The following KIAA1958 variants were observed in gnomAD, a reference collection of about 807,000 sequenced individuals.
KIAA1958 encodes the protein KIAA1958, also known as uncharacterized protein KIAA1958.
In KIAA1958, 14 loss-of-function variants were observed where a neutral mutation model predicts 47.2. That is an observed-to-expected ratio of 0.30 (90% CI 0.20 to 0.46). KIAA1958 has a LOEUF of 0.46. Ranked by LOEUF, KIAA1958 falls within the 20% of genes least tolerant of loss-of-function variation. The pLI, the probability that KIAA1958 is intolerant of heterozygous loss-of-function variation, is 1.00. For missense variants in KIAA1958, 803 were observed against 909.2 expected (o/e 0.88, Z 1.50); for synonymous variants, 354 against 353.3 (o/e 1.00, Z -0.02).
intron 2 of KIAA1958, among the ~76,000 whole-genome samples, chr9:112,616,639 G>T (rs770979636): frequency 1.2e-4 from 19 of 152,120 alleles, no homozygotes; most frequent in Non-Finnish European, 7.4e-5. Flanking sequence ...CAATAGCGTA[G>T]CCTGTTTCTG....
At position 112,612,388 on chromosome 9, in the gene KIAA1958, G is replaced by A. The variant is rs563595721; in HGVS notation, c.1172-33262G>A. Among the ~76,000 whole-genome samples the A allele has an allele frequency of 1.9e-3, 289 of 152,230 alleles. 2 individuals carry two copies. Among genetic ancestry groups the A allele is most frequent in the African/African-American group, 6.2e-3 (258 of 41,520 alleles). ...ACATCACTGCATGCCAGCCTGGGTC[G>A]CAGAGTGAGACCCTGTCTCAAATAA... On this transcript the variant is annotated intron_variant, in intron 2 of 3. Transcript: ENST00000337530.
intron 1 of KIAA1958, among the ~76,000 whole-genome samples, chr9:112,528,542 A>G (rs1319484290): frequency 6.6e-6 from 1 of 152,146 alleles, no homozygotes; most frequent in Non-Finnish European, 1.5e-5. Flanking sequence ...ATTTATTTAG[A>G]GACAAAGTCT....
At chr9:112,571,643 TA>T in intron 1 of KIAA1958, among the ~76,000 whole-genome samples, 1 of 151,990 alleles carries the variant, frequency 6.6e-6, no homozygotes. Flanking sequence ...AATTAAATAT[TA>T]ATAGCTATGT....
At chr9:112,628,098 TAAGAA>T (rs1378584809) in intron 2 of KIAA1958, among the ~76,000 whole-genome samples, 6 of 152,216 alleles carry the variant, frequency 3.9e-5, no homozygotes, top group South Asian at 2.1e-4. Flanking sequence ...CATAAAGTGT[TAAGAA>T]AAGAAGGCTG....
At chr9:112,565,067 G>T (rs1835404220) in intron 1 of KIAA1958, among the ~76,000 whole-genome samples, 1 of 152,266 alleles carries the variant, frequency 6.6e-6, no homozygotes, top group South Asian at 2.1e-4. Context: ...TTGTATTATT[G>T]TTCTACTGAA....
intron 1 of KIAA1958, among the ~76,000 whole-genome samples, chr9:112,520,052 A>T (rs937537920): frequency 6.6e-6 from 1 of 152,186 alleles, no homozygotes; most frequent in Middle Eastern, 3.2e-3. Context: ...TTTTGTGTGT[A>T]TGGGAAAATG....
intron 1 of KIAA1958, among the ~76,000 whole-genome samples, chr9:112,504,329 G>C (rs137889536): frequency 2.2e-3 from 329 of 152,056 alleles, no homozygotes; most frequent in African/African-American, 7.6e-3. Flanking sequence ...TGGAATTACA[G>C]GTGCGTGCCA....
intron 1 of KIAA1958, among the ~76,000 whole-genome samples, chr9:112,553,125 T>A (rs1397452913): frequency 1.5e-5 from 2 of 137,030 alleles, no homozygotes; most frequent in African/African-American, 2.8e-5. Context: ...TCCTCTCCTC[T>A]CCTCCCCTCC....
chr9:112,554,068 C>T (rs1207061873), intron 1 of KIAA1958, among the ~76,000 whole-genome samples: 1 of 152,092 alleles, frequency 6.6e-6, no homozygotes, highest in Non-Finnish European at 1.5e-5. Context: ...CAGAGCCTAG[C>T]TTAAAGGCAG....
chr9:112,575,541 A>G (rs949251015), intron 2 of KIAA1958, among the ~76,000 whole-genome samples: 1 of 152,044 alleles, frequency 6.6e-6, no homozygotes. Flanking sequence ...GAATTTTTAT[A>G]TAGTAAAGTT....
rs1229796943 is a variant in KIAA1958, at chr9:112,618,211, A to G, written c.1172-27439A>G. 7.7e-6 allele frequency: 12 copies of G among 1,550,250 alleles called. No individual in the cohort carries two copies. In the South Asian group the frequency reaches 1.3e-4, roughly 17 times the overall value. On this transcript the variant is annotated intron_variant, in intron 2 of 3. Coordinates refer to ENST00000337530, the MANE Select transcript of KIAA1958 (RefSeq NM_133465.4). The surrounding 1 kb of genome is among the most constrained non-coding windows in gnomAD (Gnocchi z 7.1). ...AGGCCCTGAAGCAGAAGCAAATTGA[A>G]CTCCGCTGTAAAGGAAAAGGAAATA...
chr9:112,487,450 G>T (rs1362660348), intron 1 of KIAA1958, among the ~76,000 whole-genome samples: 1 of 151,796 alleles, frequency 6.6e-6, no homozygotes, highest in African/African-American at 2.4e-5. Context: ...GCAGTGCGTG[G>T]GGCTGGCGCC....
chr9:112,565,486 G>T (rs1270105829), intron 1 of KIAA1958, among the ~76,000 whole-genome samples: 1 of 152,226 alleles, frequency 6.6e-6, no homozygotes. Context: ...ATATGGGGAA[G>T]TGCCACCTGA....
intron 2 of KIAA1958, among the ~76,000 whole-genome samples, chr9:112,633,636 C>T (rs565368709): frequency 1.5e-3 from 223 of 152,230 alleles, no homozygotes; most frequent in African/African-American, 5.1e-3. Context: ...TGTGCCCTCC[C>T]TTACCTCCCT....
intron 1 of KIAA1958, among the ~76,000 whole-genome samples, chr9:112,513,164 C>T (rs551328248): frequency 7.1e-4 from 105 of 148,408 alleles, no homozygotes; most frequent in African/African-American, 2.5e-3. Context: ...GCCACCATGC[C>T]CAGCTAATTT....
At position 112,664,721 on chromosome 9, in the gene KIAA1958, A is replaced by G. The variant is rs943638368; in HGVS notation, c.*4652A>G. The G allele has an allele frequency of 3.3e-5, 5 of 152,170 alleles. No individual in the cohort carries two copies. Among genetic ancestry groups the G allele is most frequent in the Admixed American group, 1.3e-4 (2 of 15,274 alleles). 9.4% of individuals were successfully genotyped at this position (152,170 alleles called of 1,614,324 possible). ...TTGCATTTTCCCATATAAATGAATCACCCTTATTAAAACAGGAGGAGGGAG... is the reference window on the plus strand; with the variant it reads ...TTGCATTTTCCCATATAAATGAATCGCCCTTATTAAAACAGGAGGAGGGAG... On this transcript the variant is annotated 3_prime_UTR_variant, in exon 4 of 4. Transcript: ENST00000337530.
chr9:112,529,062 A>G (rs962826147), intron 1 of KIAA1958, among the ~76,000 whole-genome samples: 4 of 152,234 alleles, frequency 2.6e-5, no homozygotes, highest in Non-Finnish European at 4.4e-5. Flanking sequence ...ATTCTTTCCA[A>G]AAATATTTAT....
chr9:112,598,101 G>A (rs1170742989), intron 2 of KIAA1958, among the ~76,000 whole-genome samples: 1 of 152,162 alleles, frequency 6.6e-6, no homozygotes, highest in East Asian at 1.9e-4. Context: ...ATAAGGAGAG[G>A]ATAATGGAAG....
chr9:112,594,116 C>T (rs1308338483), intron 2 of KIAA1958, among the ~76,000 whole-genome samples: 1 of 152,126 alleles, frequency 6.6e-6, no homozygotes, highest in Non-Finnish European at 1.5e-5. Context: ...CCTTCCACCT[C>T]AGCTTCCCAA....
Sources: allele counts gnomAD v4.1 joint callset (sites outside exome capture counted in the v4.1 genomes callset), GRCh38; gene constraint gnomAD v4.1.1; non-coding constraint Gnocchi (gnomAD v3.1); transcripts MANE v1.5; gene names NCBI Gene and HGNC (gene_info 2026-07-23, HGNC 2026-07-21).